Variants in STRAP observed in about 807,000 individuals in gnomAD.
STRAP encodes serine-threonine kinase receptor-associated protein.
STRAP carries 16 observed loss-of-function variants against 47.0 expected under a neutral mutation model. The observed-to-expected ratio is 0.34, with a 90% CI of 0.23 to 0.52. The LOEUF (loss-of-function observed/expected upper bound fraction) is 0.52. STRAP is among the 20% of genes least tolerant of loss of function. STRAP has a pLI of 0.96. For synonymous variants in STRAP, 130 were observed against 142.7 expected (o/e 0.91, Z 0.63); for missense variants, 293 against 420.0 (o/e 0.70, Z 2.64).
Position 15,887,733 on chromosome 12 carries a change from G to A in STRAP, c.249-2195G>A. 6.6e-6 allele frequency among the ~76,000 whole-genome samples: 1 copy of A among 152,106 alleles called. No individual in the cohort carries two copies. On this transcript the variant is annotated intron_variant, in intron 2 of 9. Coordinates refer to ENST00000419869, the MANE Select transcript of STRAP (RefSeq NM_007178.4). The surrounding 1 kb of genome is among the most constrained non-coding windows in gnomAD (Gnocchi z 5.5). ...AATCTTAAGATTTTAGAGCTGCCAT[G>A]TTGGCGTTAGCCTGTAGCTACTTAG...
Position 15,894,010 on chromosome 12 carries a change from A to G in STRAP, c.404-37A>G, listed in dbSNP as rs958856167. The G allele has an allele frequency of 7.0e-7, 1 of 1,428,586 alleles. No homozygotes were observed. The highest frequency in any genetic ancestry group is 9.8e-7 in the Non-Finnish European group (1 of 1,021,200). 88.5% of individuals were successfully genotyped at this position (1,428,586 alleles called of 1,614,324 possible). On this transcript the variant is annotated intron_variant, in intron 4 of 9. Transcript: ENST00000419869. This position sits in a 1 kb window ranked among gnomAD's most constrained non-coding sequence, Gnocchi z 4.9. ...GATATTGTTCAGTTTAAAAAATCAT[A>G]TATTAACAAATGTACTTTAAATTGT... is the stretch of plus-strand genomic sequence containing the variant.
chr12:15,888,281 C>T (rs868287038), intron 2 of STRAP, among the ~76,000 whole-genome samples: 3 of 151,786 alleles, frequency 2.0e-5, no homozygotes, highest in East Asian at 3.9e-4. Flanking sequence ...GAAGAAAATA[C>T]GTAAGTTATT....
intron 6 of STRAP, 98 bp downstream of exon 6, chr12:15,895,594 A>G (rs1261347695): frequency 3.7e-6 from 5 of 1,352,036 alleles, no homozygotes; most frequent in Non-Finnish European, 5.0e-6. Flanking sequence ...AAAAGTAAAG[A>G]GGCCAGGAGT....
chr12:15,901,832 G>T (rs1474018515), intron 9 of STRAP, among the ~76,000 whole-genome samples: 1 of 138,434 alleles, frequency 7.2e-6, no homozygotes, highest in Non-Finnish European at 1.5e-5. Context: ...CTGCACTCCA[G>T]CTTGGGTGTC....
At chr12:15,883,711 T>C (rs1947943427) in intron 2 of STRAP, 35 bp downstream of exon 2, 1 of 1,607,426 alleles carries the variant, frequency 6.2e-7, no homozygotes, top group Non-Finnish European at 8.5e-7. Flanking sequence ...TTTGGTGTTC[T>C]CTGTAGCTTG....
At chr12:15,900,334 AG>A (rs1948093171) in intron 8 of STRAP, among the ~76,000 whole-genome samples, 1 of 151,986 alleles carries the variant, frequency 6.6e-6, no homozygotes, top group Admixed American at 6.6e-5. Context: ...GTTCGAGACC[AG>A]CCTGGCCAAC....
At chr12:15,891,706 G>A (rs1257804064) in intron 4 of STRAP, among the ~76,000 whole-genome samples, 2 of 152,180 alleles carry the variant, frequency 1.3e-5, no homozygotes, top group African/African-American at 2.4e-5. Flanking sequence ...GCTTTGGGAG[G>A]CCAAGGTGAG....
chr12:15,883,282 A>T (rs1390393289), intron 1 of STRAP, among the ~76,000 whole-genome samples: 1 of 152,228 alleles, frequency 6.6e-6, no homozygotes, highest in Non-Finnish European at 1.5e-5. Flanking sequence ...TGTCCAAAAT[A>T]AGACTAAAAT....
At chr12:15,884,832 A>G (rs1947955581) in intron 2 of STRAP, among the ~76,000 whole-genome samples, 1 of 152,072 alleles carries the variant, frequency 6.6e-6, no homozygotes, top group Non-Finnish European at 1.5e-5. Context: ...GACACATTTC[A>G]ATTGTTGGCC....
In STRAP at chr12:15,890,218, C is replaced by T. The variant is rs536734200; in HGVS notation, c.330+209C>T. On this transcript the variant is annotated intron_variant, in intron 3 of 9. Transcript: ENST00000419869. The surrounding 1 kb of genome is among the most constrained non-coding windows in gnomAD (Gnocchi z 4.5). ...GTCAAGCTTTTAAGATACTGTGGAA[C>T]GAGTACCAGTCCTTCAACATGTAAA... Among the ~76,000 whole-genome samples the T allele has an allele frequency of 3.9e-5, 6 of 152,216 alleles. No homozygotes were observed. The highest frequency in any genetic ancestry group is 1.4e-4 in the African/African-American group (6 of 41,526).
chr12:15,886,187 C>T (rs2136107827), intron 2 of STRAP, among the ~76,000 whole-genome samples: 1 of 151,910 alleles, frequency 6.6e-6, no homozygotes, highest in African/African-American at 2.4e-5. Context: ...CCAGTTTGAT[C>T]ATCATAGGAT....
intron 7 of STRAP, among the ~76,000 whole-genome samples, chr12:15,898,817 C>G (rs1205446572): frequency 6.6e-6 from 1 of 151,924 alleles, no homozygotes; most frequent in East Asian, 1.9e-4. Context: ...TTCTAGCTGC[C>G]CTGCTTTACC....
At chr12:15,895,947 G>T (rs1204554593) in intron 6 of STRAP, among the ~76,000 whole-genome samples, 2 of 151,996 alleles carry the variant, frequency 1.3e-5, no homozygotes, top group Non-Finnish European at 2.9e-5. Flanking sequence ...TGTGGGCTGG[G>T]CGTGGTGGCT....
chr12:15,894,927 A>C lies in STRAP; in HGVS notation c.501-432A>C, dbSNP rs1256844798. Among the ~76,000 whole-genome samples the C allele has an allele frequency of 6.6e-6, 1 of 152,224 alleles. No homozygotes were observed. The highest frequency in any genetic ancestry group is 1.5e-5 in the Non-Finnish European group (1 of 68,036). ...GTTTTTAACCTGGGTCTGTGGGCAG[A>C]ATGGTTAAAGGGAGGGACCATGAAG... On this transcript the variant is annotated intron_variant, in intron 5 of 9. Coordinates refer to ENST00000419869, the MANE Select transcript of STRAP (RefSeq NM_007178.4). The surrounding 1 kb of genome is among the most constrained non-coding windows in gnomAD (Gnocchi z 4.9).
Position 15,899,920 on chromosome 12 carries a change from CTT to C in STRAP, c.794_795del (p.Phe265TrpfsTer9). 6.2e-7 allele frequency: 1 copy of C among 1,612,678 alleles called. No homozygotes were observed. Among genetic ancestry groups the C allele is most frequent in the Non-Finnish European group, 8.5e-7 (1 of 1,179,592 alleles). On this transcript the variant is annotated frameshift_variant, in exon 8 of 10. Coordinates refer to ENST00000419869, the MANE Select transcript of STRAP (RefSeq NM_007178.4). LOFTEE classifies it high-confidence loss of function. ...GEELESYKGH[F>X]GPIHCVRFSP... ...CTTTTTCAGAATCCTACAAGGGACA[CTT>C]TGGTCCTATTCACTGTGTGAGATTT...
chr12:15,889,122 T>C (rs919648295), intron 2 of STRAP, among the ~76,000 whole-genome samples: 2 of 151,264 alleles, frequency 1.3e-5, no homozygotes, highest in Non-Finnish European at 3.0e-5. Context: ...AACTTTTTTT[T>C]CCCCCTTCCT....
intron 6 of STRAP, among the ~76,000 whole-genome samples, 164 bp from the exon 7 acceptor site, chr12:15,897,718 T>TTC (rs1378518610): frequency 5.3e-5 from 8 of 151,658 alleles, no homozygotes; most frequent in African/African-American, 1.7e-4. Flanking sequence ...ATTTGATTTT[T>TTC]TTTTTTTTTT....
intron 9 of STRAP, among the ~76,000 whole-genome samples, chr12:15,901,851 ACT>A (rs1380065718): frequency 1.7e-5 from 2 of 114,858 alleles, no homozygotes; most frequent in African/African-American, 3.1e-5. Context: ...TCAGAGAGAG[ACT>A]CTGTCTCAAA....
chr12:15,893,419 TTTA>T (rs1209706367), intron 4 of STRAP, among the ~76,000 whole-genome samples: 3 of 147,444 alleles, frequency 2.0e-5, no homozygotes, highest in African/African-American at 7.4e-5. Flanking sequence ...ATAAATACTT[TTTA>T]TTATATATAA....
Sources: gnomAD v4.1 joint callset for allele counts (sites outside exome capture counted in the v4.1 genomes callset) on GRCh38, gnomAD v4.1.1 for gene constraint, Gnocchi (gnomAD v3.1) non-coding constraint, MANE v1.5 for transcripts, NCBI Gene and HGNC (gene_info 2026-07-23, HGNC 2026-07-21) for gene names.